ATP2C1: variants seen among roughly 807,000 people sequenced by gnomAD.
The protein encoded by ATP2C1 is ATPase secretory pathway Ca2+ transporting 1.
ATP2C1 carries 31 observed loss-of-function variants against 120.5 expected under a neutral mutation model. That is an observed-to-expected ratio of 0.26 (90% CI 0.19 to 0.35). The LOEUF (loss-of-function observed/expected upper bound fraction) is 0.35, where lower values mean the gene tolerates loss of function less well. Ranked by LOEUF, ATP2C1 falls within the 10% of genes least tolerant of loss-of-function variation. ATP2C1 has a pLI of 1.00. For missense variants in ATP2C1, 731 were observed against 1,107.5 expected (o/e 0.66, Z 4.83); for synonymous variants, 351 against 358.7 (o/e 0.98, Z 0.24).
chr3:131,005,442 A>G (rs2063070875), downstream of ATP2C1, among the ~76,000 whole-genome samples: 3 of 152,174 alleles, frequency 2.0e-5, no homozygotes, highest in African/African-American at 4.8e-5. Context: ...GAGAGATAGC[A>G]TTGACATGAC....
rs2061716804 is a variant in ATP2C1, at chr3:130,980,670, AG to A, written c.1831del (p.Val611TyrfsTer16). The A allele has an allele frequency of 6.2e-7, 1 of 1,612,410 alleles. No homozygotes were observed. The highest frequency in any genetic ancestry group is 8.5e-7 in the Non-Finnish European group (1 of 1,178,760). On this transcript the variant is annotated frameshift_variant, in exon 20 of 28. Transcript: ENST00000510168. LOFTEE classifies it high-confidence loss of function. Reference sequence around the variant, plus strand: ...TGGATGTTCAGCAGCTTTCACAAATAGTACCAAAGGTAGGCCTAAACTAAAG... The same window carrying A: ...TGGATGTTCAGCAGCTTTCACAAATATACCAAAGGTAGGCCTAAACTAAAG... ...AMDVQQLSQI[V>X]PKVAVFYRAS...
intron 20 of ATP2C1, among the ~76,000 whole-genome samples, chr3:130,983,361 A>G (rs1250274674): frequency 6.6e-6 from 1 of 152,196 alleles, no homozygotes; most frequent in Admixed American, 6.5e-5. Context: ...TGAGCAGATA[A>G]CACAGAGTTC....
downstream of ATP2C1, among the ~76,000 whole-genome samples, chr3:131,004,380 C>A (rs1444296894): frequency 6.6e-6 from 1 of 152,234 alleles, no homozygotes; most frequent in East Asian, 1.9e-4. Flanking sequence ...ACCACTTGAA[C>A]TATTAACTCT....
At chr3:130,963,732 A>G in intron 12 of ATP2C1, 1 of 481,344 alleles carries the variant, frequency 2.1e-6, no homozygotes, top group Non-Finnish European at 3.8e-6. Context: ...TGGTGAAGCC[A>G]GGGATACAAA....
chr3:130,865,692 T>A (rs747688386), intron 1 of ATP2C1, among the ~76,000 whole-genome samples: 6 of 152,228 alleles, frequency 3.9e-5, no homozygotes, highest in Non-Finnish European at 7.3e-5. Context: ...CTGCTTTTGC[T>A]TCTTCCTCAT....
rs534921264 is a variant in ATP2C1 at position 130,988,724 on chromosome 3, G to A, written c.1840-4227G>A. Reference sequence around the variant, plus strand: ...GGGAATTAGGGTAATCAAGGGTTAAGGCATAAGTAAAAGAACAGTAGATGC... The same window carrying A: ...GGGAATTAGGGTAATCAAGGGTTAAAGCATAAGTAAAAGAACAGTAGATGC... On this transcript the variant is annotated intron_variant, in intron 20 of 27. Coordinates refer to ENST00000510168, the MANE Select transcript of ATP2C1 (RefSeq NM_001378687.1). 5.3e-5 allele frequency among the ~76,000 whole-genome samples: 8 copies of A among 152,294 alleles called. No individual in the cohort carries two copies. The East Asian group carries it at 1.4e-3, about 26-fold the overall frequency.
At chr3:130,904,780 A>C (rs1193976133) in intron 2 of ATP2C1, among the ~76,000 whole-genome samples, 1 of 152,030 alleles carries the variant, frequency 6.6e-6, no homozygotes, top group East Asian at 1.9e-4. Flanking sequence ...TCTTTGCTTA[A>C]TGGCGAGTTT....
downstream of ATP2C1, among the ~76,000 whole-genome samples, chr3:131,006,153 C>T (rs1401264157): frequency 6.6e-6 from 1 of 152,086 alleles, no homozygotes; most frequent in East Asian, 1.9e-4. Context: ...GCTCTGTTGC[C>T]CAGGCTGGAG....
chr3:130,877,454 C>T (rs1222225712), intron 1 of ATP2C1, among the ~76,000 whole-genome samples: 2 of 152,170 alleles, frequency 1.3e-5, no homozygotes, highest in East Asian at 1.9e-4. Context: ...AAAAATCAAA[C>T]AACCCCATCA....
chr3:130,873,195 AAAT>A (rs1172427703), intron 1 of ATP2C1, among the ~76,000 whole-genome samples: 1 of 152,234 alleles, frequency 6.6e-6, no homozygotes, highest in African/African-American at 2.4e-5. Context: ...AAAGGTAACT[AAAT>A]AAACAGAGCA....
chr3:130,939,773 A>G (rs561530755), intron 6 of ATP2C1, among the ~76,000 whole-genome samples: 64 of 152,334 alleles, frequency 4.2e-4, no homozygotes, highest in Admixed American at 1.2e-3. Context: ...TTATTCTTAC[A>G]TAGCCTTGTG....
At chr3:130,867,373 G>A (rs1302622637) in intron 1 of ATP2C1, among the ~76,000 whole-genome samples, 2 of 144,940 alleles carry the variant, frequency 1.4e-5, no homozygotes, top group Non-Finnish European at 3.0e-5. Context: ...AAAGCTGGAT[G>A]GTACTGCTGC....
Position 130,954,998 on chromosome 3 carries a change from G to C in ATP2C1, c.688-14G>C, listed in dbSNP as rs763714993. ...CATCTGGATGTAAATGTATTTTCCTGTTTTTCCCCTTAGGGTGTTGTCATT... is the reference window on the plus strand; with the variant it reads ...CATCTGGATGTAAATGTATTTTCCTCTTTTTCCCCTTAGGGTGTTGTCATT... On this transcript the variant is annotated splice_polypyrimidine_tract_variant and intron_variant, in intron 9 of 27. Coordinates refer to ENST00000510168, the MANE Select transcript of ATP2C1 (RefSeq NM_001378687.1). 2 of 1,603,348 alleles carry C rather than the reference G, an allele frequency of 1.2e-6. No homozygotes were observed. The highest frequency in any genetic ancestry group is 1.1e-5 in the South Asian group (1 of 90,836).
chr3:131,010,193 T>C (rs1640647526), intron 26 of ATP2C1, among the ~76,000 whole-genome samples: 1 of 147,740 alleles, frequency 6.8e-6, no homozygotes, highest in African/African-American at 2.5e-5. Flanking sequence ...CTATCTTTTT[T>C]TTTTTTTTTT....
chr3:131,016,054 T>A (rs1261097266), intron 26 of ATP2C1: 10 of 1,486,048 alleles, frequency 6.7e-6, no homozygotes, highest in Admixed American at 2.0e-5. Context: ...TTTTTTTTTT[T>A]AAGTAACTTT....
At chr3:130,954,444 G>A (rs1300923730) in intron 9 of ATP2C1, among the ~76,000 whole-genome samples, 1 of 152,048 alleles carries the variant, frequency 6.6e-6, no homozygotes, top group Non-Finnish European at 1.5e-5. Flanking sequence ...TTGTATTTCA[G>A]AAATACTAAT....
At chr3:130,941,250 G>GTC (rs2059896649) in intron 7 of ATP2C1, among the ~76,000 whole-genome samples, 5 of 149,840 alleles carry the variant, frequency 3.3e-5, no homozygotes, top group African/African-American at 1.2e-4. Flanking sequence ...GTGTGTGTGT[G>GTC]TGTGTGTGTG....
chr3:130,858,227 C>G (rs1344436367), intron 1 of ATP2C1, among the ~76,000 whole-genome samples: 1 of 152,134 alleles, frequency 6.6e-6, no homozygotes, highest in Non-Finnish European at 1.5e-5. Flanking sequence ...GCAATACCCT[C>G]ATAGACACAT....
Position 130,854,870 on chromosome 3 carries a change from C to T in ATP2C1, c.108+3942C>T, listed in dbSNP as rs115069365. Reference sequence around the variant, plus strand: ...TTATACCCAGAGCACTTCAGCCTTGCATCCAATCATCTACTTGATATCTCC... The same window carrying T: ...TTATACCCAGAGCACTTCAGCCTTGTATCCAATCATCTACTTGATATCTCC... On this transcript the variant is annotated intron_variant, in intron 1 of 26. Coordinates refer to the ATP2C1 transcript ENST00000504381. Among the ~76,000 whole-genome samples, 1,512 of 152,318 alleles carry T rather than the reference C, an allele frequency of 9.9e-3. 17 individuals are homozygous for T. Among genetic ancestry groups the T allele is most frequent in the African/African-American group, 0.032 (1,318 of 41,544 alleles).
Sources: gnomAD v4.1 joint callset for allele counts (sites outside exome capture counted in the v4.1 genomes callset) on GRCh38, gnomAD v4.1.1 for gene constraint, MANE v1.5 for transcripts, NCBI Gene and HGNC (gene_info 2026-07-23, HGNC 2026-07-21) for gene names.